The following MTHFD2L variants were observed in gnomAD, a reference collection of about 807,000 sequenced individuals.
The protein encoded by MTHFD2L is methylenetetrahydrofolate dehydrogenase (NADP+ dependent) 2 like.
A neutral mutation model predicts 34.9 loss-of-function variants in MTHFD2L; 29 were observed. The ratio of observed to expected loss-of-function variants is 0.83; its 90% confidence interval spans 0.62 to 1.13. MTHFD2L has a LOEUF of 1.13. MTHFD2L is among the 50% of genes most tolerant of loss of function. The pLI, the probability that MTHFD2L is intolerant of heterozygous loss-of-function variation, is 0.00. For missense variants in MTHFD2L, 481 were observed against 446.5 expected, an observed-to-expected ratio of 1.08 and a Z score of -0.70; for synonymous variants, 167 against 155.7, an observed-to-expected ratio of 1.07 and a Z score of -0.54.
intron 1 of MTHFD2L, among the ~76,000 whole-genome samples, chr4:74,172,265 A>T (rs1728159425): frequency 6.6e-6 from 1 of 152,194 alleles, no homozygotes; most frequent in South Asian, 2.1e-4. Context: ...TCTTGACTAT[A>T]GTGATGGTTT....
At chr4:74,239,400 A>G (rs1741358842) in intron 6 of MTHFD2L, among the ~76,000 whole-genome samples, 1 of 152,040 alleles carries the variant, frequency 6.6e-6, no homozygotes, top group Non-Finnish European at 1.5e-5. Context: ...TGACAAGTTA[A>G]TGGGTGCAGC....
At chr4:74,250,471 G>A (rs1033966155) in intron 6 of MTHFD2L, among the ~76,000 whole-genome samples, 2 of 152,214 alleles carry the variant, frequency 1.3e-5, no homozygotes, top group Middle Eastern at 6.8e-3. Flanking sequence ...ATTAGGGAAG[G>A]AATTTTTGGC....
At chr4:74,267,821 G>T (rs1471122725) in intron 6 of MTHFD2L, 2 of 985,216 alleles carry the variant, frequency 2.0e-6, no homozygotes, top group Middle Eastern at 5.2e-4. Context: ...GGCAGAAGGT[G>T]ATGGAACTAC....
chr4:74,250,968 G>A (rs1054374466), intron 6 of MTHFD2L, among the ~76,000 whole-genome samples: 9 of 152,166 alleles, frequency 5.9e-5, no homozygotes, highest in African/African-American at 1.7e-4. Flanking sequence ...TTCCCTCTCA[G>A]AGTTGCACCA....
Position 74,168,421 on chromosome 4 carries a change from G to A in MTHFD2L, c.144-6085G>A, listed in dbSNP as rs147544619. 3.2e-4 allele frequency among the ~76,000 whole-genome samples: 48 copies of A among 152,120 alleles called. No individual in the cohort carries two copies. In the East Asian group the frequency reaches 7.7e-3, roughly 25 times the overall value. ...ACTCATTTCATTCATTTCTGCCCACGTGTCACCTGATTTATCAGAGAAGTG... is the reference window on the plus strand; with the variant it reads ...ACTCATTTCATTCATTTCTGCCCACATGTCACCTGATTTATCAGAGAAGTG... On this transcript the variant is annotated intron_variant, in intron 1 of 7. Coordinates refer to ENST00000325278, the MANE Select transcript of MTHFD2L (RefSeq NM_001144978.3).
At chr4:74,219,707 C>A (rs1737821612) in intron 5 of MTHFD2L, among the ~76,000 whole-genome samples, 2 of 152,092 alleles carry the variant, frequency 1.3e-5, no homozygotes, top group Admixed American at 6.6e-5. Flanking sequence ...AACACATTTG[C>A]TTTTAGCTGT....
chr4:74,217,243 A>G (rs1242523731), intron 5 of MTHFD2L, among the ~76,000 whole-genome samples: 2 of 151,770 alleles, frequency 1.3e-5, no homozygotes, highest in East Asian at 1.9e-4. Context: ...TTTTTGTCCA[A>G]ATGTTACCTA....
intron 6 of MTHFD2L, among the ~76,000 whole-genome samples, chr4:74,241,135 GAA>G (rs933407472): frequency 6.6e-6 from 1 of 152,124 alleles, no homozygotes. Context: ...GAATATGAGG[GAA>G]AGAGATAGAA....
intron 1 of MTHFD2L, among the ~76,000 whole-genome samples, chr4:74,144,894 GA>G (rs2109842577): frequency 6.6e-6 from 1 of 152,162 alleles, no homozygotes; most frequent in African/African-American, 2.4e-5. Flanking sequence ...TAGATAAGAA[GA>G]AATGAATGAA....
chr4:74,257,480 A>C (rs1051949490), intron 6 of MTHFD2L, among the ~76,000 whole-genome samples: 1 of 152,224 alleles, frequency 6.6e-6, no homozygotes, highest in Admixed American at 6.5e-5. Context: ...AGAAGGGACT[A>C]TCTTAATAAC....
At chr4:74,269,133 T>G (rs1361022756) in intron 6 of MTHFD2L, among the ~76,000 whole-genome samples, 1 of 152,188 alleles carries the variant, frequency 6.6e-6, no homozygotes, top group Non-Finnish European at 1.5e-5. Flanking sequence ...ATCAGAAATC[T>G]TCTTACTAAG....
intron 5 of MTHFD2L, among the ~76,000 whole-genome samples, chr4:74,223,688 C>T (rs1018769511): frequency 4.6e-5 from 7 of 151,880 alleles, no homozygotes; most frequent in Non-Finnish European, 1.0e-4. Flanking sequence ...TTCAACTTTT[C>T]CATGACATTT....
At chr4:74,118,907 A>T (rs1721701822), upstream of MTHFD2L, among the ~76,000 whole-genome samples, 1 of 152,148 alleles carries the variant, frequency 6.6e-6, no homozygotes, top group South Asian at 2.1e-4. Context: ...CATGAGAGGG[A>T]TCTAGATTGC....
chr4:74,185,304 A>G (rs1730993498), intron 3 of MTHFD2L, among the ~76,000 whole-genome samples: 1 of 151,990 alleles, frequency 6.6e-6, no homozygotes. Flanking sequence ...TAACACATCA[A>G]AGTTTGTGGG....
chr4:74,168,255 C>T (rs937381858), intron 1 of MTHFD2L, among the ~76,000 whole-genome samples: 2 of 152,200 alleles, frequency 1.3e-5, no homozygotes, highest in African/African-American at 4.8e-5. Context: ...ATGTCTTACC[C>T]TAGTTCACTT....
intron 6 of MTHFD2L, among the ~76,000 whole-genome samples, chr4:74,227,996 A>G (rs1455542224): frequency 6.6e-6 from 1 of 152,202 alleles, no homozygotes; most frequent in Admixed American, 6.5e-5. Flanking sequence ...TAGAACATAT[A>G]CATGACTGCA....
At chr4:74,128,749 A>G (rs1722258452) in intron 1 of MTHFD2L, among the ~76,000 whole-genome samples, 1 of 151,968 alleles carries the variant, frequency 6.6e-6, no homozygotes, top group Admixed American at 6.6e-5. Context: ...TTTTCTATTT[A>G]TGGGAAGAAA....
At chr4:74,229,035 C>T (rs1739620866) in intron 6 of MTHFD2L, among the ~76,000 whole-genome samples, 1 of 152,156 alleles carries the variant, frequency 6.6e-6, no homozygotes, top group Non-Finnish European at 1.5e-5. Context: ...TTTAATGCCT[C>T]TTACTAAATA....
rs188356421 is a variant in MTHFD2L, at chr4:74,240,068, C to T, written c.805+14674C>T. Among the ~76,000 whole-genome samples, 248 of 152,176 alleles carry T rather than the reference C, an allele frequency of 1.6e-3. 1 individual carries two copies. Among genetic ancestry groups the T allele is most frequent in the Admixed American group, 3.0e-3 (46 of 15,272 alleles). ...TCTTGTAGGTCACTAAGATACCACC[C>T]CCAAATTTACTTCTCTTGAATAAAA... On this transcript the variant is annotated intron_variant, in intron 6 of 7. Transcript: ENST00000325278.
Sources: allele counts gnomAD v4.1 joint callset (sites outside exome capture counted in the v4.1 genomes callset), GRCh38; gene constraint gnomAD v4.1.1; transcripts MANE v1.5; gene names NCBI Gene and HGNC (gene_info 2026-07-23, HGNC 2026-07-21).